Variants in PRRC2C observed in about 807,000 individuals in gnomAD.
PRRC2C encodes proline rich coiled-coil 2C.
A neutral mutation model predicts 317.2 loss-of-function variants in PRRC2C; 72 were observed. The observed-to-expected ratio is 0.23, with a 90% confidence interval of 0.19 to 0.28. PRRC2C has a LOEUF of 0.28. Among genes scored for constraint, PRRC2C ranks in the 10% least tolerant of loss-of-function variants. The pLI is 1.00. For synonymous variants in PRRC2C, 1,296 were observed against 1,205.9 expected (o/e 1.07, Z -1.55); for missense variants, 3,074 against 3,459.7 (o/e 0.89, Z 2.80).
chr1:171,491,079 GACC>G (rs1008090662), intron 1 of PRRC2C, among the ~76,000 whole-genome samples: 6 of 151,952 alleles, frequency 3.9e-5, no homozygotes, highest in Admixed American at 2.0e-4. Context: ...CATGAGTCTT[GACC>G]ATATTTAAAG....
chr1:171,587,276 G>C, intron 31 of PRRC2C, 55 bp downstream of exon 31: 6 of 1,453,754 alleles, frequency 4.1e-6, no homozygotes, highest in Non-Finnish European at 5.6e-6. Flanking sequence ...AGTGTGTTCA[G>C]ATATATGCAT....
At chr1:171,538,599 T>G (rs1202365769) in intron 15 of PRRC2C, among the ~76,000 whole-genome samples, 1 of 152,238 alleles carries the variant, frequency 6.6e-6, no homozygotes, top group Non-Finnish European at 1.5e-5. Flanking sequence ...CTTACTCAAG[T>G]GTACTCTTTC....
intron 28 of PRRC2C, among the ~76,000 whole-genome samples, chr1:171,582,866 A>C (rs1467904609): frequency 2.0e-5 from 3 of 151,656 alleles, no homozygotes; most frequent in Non-Finnish European, 4.4e-5. Flanking sequence ...TTAAAAAAAA[A>C]AAAACAAATT....
At chr1:171,486,814 CT>C (rs1308181540) in intron 1 of PRRC2C, among the ~76,000 whole-genome samples, 2 of 152,142 alleles carry the variant, frequency 1.3e-5, no homozygotes, top group African/African-American at 2.4e-5. Flanking sequence ...TAGGGTGATA[CT>C]AAGCACCTAC....
chr1:171,502,439 C>T (rs1669303507), intron 1 of PRRC2C, among the ~76,000 whole-genome samples: 2 of 152,122 alleles, frequency 1.3e-5, no homozygotes, highest in Admixed American at 6.5e-5. Context: ...AACTCCTGTC[C>T]CCTTTTCAGA....
At position 171,557,394 on chromosome 1, in the gene PRRC2C, C is replaced by T; in HGVS notation, c.5282C>T (p.Ser1761Leu). 1 of 1,550,288 alleles carries T rather than the reference C, an allele frequency of 6.5e-7. No homozygotes were observed. The highest frequency in any genetic ancestry group is 8.7e-7 in the Non-Finnish European group (1 of 1,145,780). The part of the protein sequence containing the change: ...LASAPLPPST[S>L]ASVPASTSAP... ...TCGGCTCCACTTCCACCTTCAACCT[C>T]AGCTTCAGTTCCAGCCTCAACCTCA... Residue 1761 changes from serine (S) to leucine (L), a missense_variant, in exon 19 of 35, where the codon TCA becomes TTA. Coordinates refer to ENST00000647382, the MANE Select transcript of PRRC2C (RefSeq NM_001387844.1).
At position 171,536,169 on chromosome 1, in the gene PRRC2C, G is replaced by A. The variant is rs757663131; in HGVS notation, c.2184G>A (p.Gln728=). 2.7e-5 allele frequency: 44 copies of A among 1,611,684 alleles called. 3 individuals carry two copies. In the South Asian group the frequency reaches 4.9e-4, roughly 18 times the overall value. Reference sequence around the variant, plus strand: ...ATCAGCCTATGCAGCCTCATCCTCAGCATTTGGCTTCTATGGGTTTTGATC... The same window carrying A: ...ATCAGCCTATGCAGCCTCATCCTCAACATTTGGCTTCTATGGGTTTTGATC... The part of the protein sequence containing the change: ...PLYQPMQPHP[Q]HLASMGFDPR... The change falls in exon 14 of 35, where the codon CAG becomes CAA. Residue 728 remains glutamine, a synonymous_variant. Transcript: ENST00000647382.
chr1:171,536,441 CAT>C (rs1409316948), intron 14 of PRRC2C, among the ~76,000 whole-genome samples, 163 bp downstream of exon 14: 2 of 152,112 alleles, frequency 1.3e-5, no homozygotes, highest in African/African-American at 4.8e-5. Context: ...ATCTGACACT[CAT>C]ATTACTTATG....
Position 171,517,809 on chromosome 1 carries a change from C to A in PRRC2C, c.745C>A (p.Pro249Thr). 6.2e-7 allele frequency: 1 copy of A among 1,610,216 alleles called. No homozygotes were observed. Among genetic ancestry groups the A allele is most frequent in the Non-Finnish European group, 8.5e-7 (1 of 1,177,894 alleles). ...LASQYRAMMP[P>T]YMFQQYPRMT... ...TTCCCAGTATAGAGCTATGATGCCT[C>A]CTTATGTGAGTATTGTTAAATGAAC... Residue 249 changes from proline (P) to threonine (T), a missense_variant, in exon 6 of 35, where the codon CCT (proline) becomes ACT (threonine). Around this residue, in one of 11 missense-constraint regions of PRRC2C, gnomAD observed 237 missense variants for 199.5 expected, o/e 1.19. Transcript: ENST00000647382.
At chr1:171,568,541 A>G (rs1002339884) in intron 23 of PRRC2C, among the ~76,000 whole-genome samples, 1 of 152,188 alleles carries the variant, frequency 6.6e-6, no homozygotes, top group Non-Finnish European at 1.5e-5. Context: ...TCTGAAAGCC[A>G]TCTGCTTTCC....
chr1:171,520,632 G>T (rs1168850696), intron 6 of PRRC2C, among the ~76,000 whole-genome samples: 2 of 152,040 alleles, frequency 1.3e-5, no homozygotes, highest in African/African-American at 4.8e-5. Context: ...TGCAACTTTA[G>T]CTATGAACAT....
At position 171,586,371 on chromosome 1, in the gene PRRC2C, G is replaced by A. The variant is rs370136269; in HGVS notation, c.7750-632G>A. Among the ~76,000 whole-genome samples the A allele has an allele frequency of 2.2e-4, 33 of 150,990 alleles. No homozygotes were observed. The East Asian group carries it at 5.9e-3, about 27-fold the overall frequency. On this transcript the variant is annotated intron_variant, in intron 30 of 34. Transcript: ENST00000647382. ...CTCCCAAAGTGCTGGGATTATAGGC[G>A]TGAGCCACCGTGCCTGGACTTGGTG...
intron 30 of PRRC2C, 72 bp from the exon 31 acceptor site, chr1:171,586,931 T>G (rs1650173310): frequency 9.0e-7 from 1 of 1,113,090 alleles, no homozygotes; most frequent in Admixed American, 2.1e-5. Flanking sequence ...TGAAGAGTTG[T>G]GTATAGTTGT....
chr1:171,521,460 T>C (rs1196186037), intron 6 of PRRC2C, among the ~76,000 whole-genome samples: 1 of 152,210 alleles, frequency 6.6e-6, no homozygotes, highest in Non-Finnish European at 1.5e-5. Flanking sequence ...TGGGACAGTT[T>C]ATAATGATCA....
At chr1:171,497,717 C>T (rs1266203726) in intron 1 of PRRC2C, among the ~76,000 whole-genome samples, 1 of 152,218 alleles carries the variant, frequency 6.6e-6, no homozygotes, top group Non-Finnish European at 1.5e-5. Context: ...GGTCCTCCCA[C>T]CTTCGCCTTT....
chr1:171,576,540 T>C (rs916331581), intron 25 of PRRC2C, among the ~76,000 whole-genome samples: 1 of 152,212 alleles, frequency 6.6e-6, no homozygotes. Flanking sequence ...AGCTCACTAA[T>C]CAATAAAACA....
rs1181462344 is a variant in PRRC2C at position 171,584,440 on chromosome 1, G to A, written c.7663G>A (p.Ala2555Thr). The change falls in exon 30 of 35, where the codon GCC (alanine) becomes ACC (threonine). Residue 2555 changes from alanine (A) to threonine (T), a missense_variant. Transcript: ENST00000647382. ...CTAGGCCAGAGCAAATCTTACCCAG[G>A]CCTCAAATCTTTATTCTGGACAAGT... ...LLQARANLTQ[A>T]SNLYSGQVQQ... is the part of the protein sequence containing the mutation. 1 of 1,581,722 alleles carries A rather than the reference G, an allele frequency of 6.3e-7. No homozygotes were observed. Among genetic ancestry groups the A allele is most frequent in the African/African-American group, 1.4e-5 (1 of 73,860 alleles).
At chr1:171,489,064 T>C (rs1049741807) in intron 1 of PRRC2C, among the ~76,000 whole-genome samples, 3 of 152,218 alleles carry the variant, frequency 2.0e-5, no homozygotes, top group Non-Finnish European at 4.4e-5. Flanking sequence ...CTAGACTGTT[T>C]CCATGTCCTC....
rs2102915938 is a variant in PRRC2C at position 171,592,016 on chromosome 1, T to C, written c.*169T>C. 9 of 792,382 alleles carry C rather than the reference T, an allele frequency of 1.1e-5. No homozygotes were observed. Among genetic ancestry groups the C allele is most frequent in the East Asian group, 7.7e-5 (3 of 38,908 alleles). The allele number at this position is 792,382 out of a possible 1,614,324, so 49.1% of individuals were successfully genotyped here. A position where few individuals can be genotyped will look rare whatever the true frequency, so the allele number is the denominator to read the frequency against. On this transcript the variant is annotated 3_prime_UTR_variant, in exon 35 of 35. Transcript: ENST00000647382. ...AATTTACACTGACACACAGCTGCTG[T>C]ACCAGTGAAAACGAGGCTTTGCAAG...
Sources: gnomAD v4.1 joint callset for allele counts (sites outside exome capture counted in the v4.1 genomes callset) on GRCh38, gnomAD v4.1.1 for gene constraint, gnomAD v4.1.1 regional missense constraint, MANE v1.5 for transcripts, NCBI Gene and HGNC (gene_info 2026-07-23, HGNC 2026-07-21) for gene names.